The following FBXW10B variants were observed in gnomAD, a reference collection of about 807,000 sequenced individuals.
The protein encoded by FBXW10B is F-box and WD repeat domain containing 10B, also known as F-box and WD repeat domain containing protein 10B.
the FBXW10B span, among the ~76,000 whole-genome samples, chr17:15,611,377 C>G: frequency 6.6e-6 from 1 of 152,132 alleles, no homozygotes; most frequent in Non-Finnish European, 1.5e-5. Flanking sequence ...TAAATGGTTG[C>G]CAGCATTTAA....
chr17:15,610,748 C>T, the FBXW10B span, among the ~76,000 whole-genome samples: 4 of 152,170 alleles, frequency 2.6e-5, no homozygotes, highest in African/African-American at 9.7e-5. Context: ...TCTGTCAAAA[C>T]TTCCTAGAAT....
chr17:15,598,167 T>C, the FBXW10B span, among the ~76,000 whole-genome samples: 40 of 152,282 alleles, frequency 2.6e-4, no homozygotes, highest in South Asian at 7.9e-3. Flanking sequence ...ATGGCAGCCG[T>C]TGTTGTTCAT....
the FBXW10B span, chr17:15,619,119 T>C: frequency 2.2e-5 from 35 of 1,613,858 alleles, no homozygotes; most frequent in Non-Finnish European, 4.2e-6. Flanking sequence ...TTCGCCTTGG[T>C]CCACTGGGTG....
the FBXW10B span, chr17:15,574,013 A>C: frequency 1.6e-6 from 1 of 631,874 alleles, no homozygotes; most frequent in Non-Finnish European, 2.8e-6. Flanking sequence ...TGAAATGCTG[A>C]TTCCTGCCAG....
chr17:15,594,022 CAG>C, the FBXW10B span, among the ~76,000 whole-genome samples: 1 of 152,130 alleles, frequency 6.6e-6, no homozygotes, highest in African/African-American at 2.4e-5. Context: ...AATTAGGTCA[CAG>C]GGCCACAAGA....
chr17:15,567,322 TCTC>T, the FBXW10B span, among the ~76,000 whole-genome samples: 1 of 151,534 alleles, frequency 6.6e-6, no homozygotes, highest in Non-Finnish European at 1.5e-5. Flanking sequence ...TCTTCCCTAT[TCTC>T]CTTGCAAACT....
At chr17:15,575,290 T>C in the FBXW10B span, among the ~76,000 whole-genome samples, 79 of 142,864 alleles carry the variant, frequency 5.5e-4, no homozygotes, top group Non-Finnish European at 1.1e-3. Context: ...CTGTAAGACC[T>C]GGAGACCAAC....
chr17:15,615,844 G>A, the FBXW10B span: 3 of 1,613,744 alleles, frequency 1.9e-6, no homozygotes, highest in Non-Finnish European at 2.5e-6. Flanking sequence ...GGTTGCTCTT[G>A]AAGTGGGTGT....
At chr17:15,566,219 C>G in the FBXW10B span, 1 of 1,612,348 alleles carries the variant, frequency 6.2e-7, no homozygotes, top group Non-Finnish European at 8.5e-7. Context: ...GAATTACGGG[C>G]GTGCTGCAGG....
chr17:15,569,863 C>T, the FBXW10B span, among the ~76,000 whole-genome samples: 12 of 152,138 alleles, frequency 7.9e-5, no homozygotes, highest in African/African-American at 2.2e-4. Flanking sequence ...GCATGAGCCA[C>T]CATGTATGTC....
chr17:15,588,594 A>G, the FBXW10B span: 2 of 396,390 alleles, frequency 5.0e-6, no homozygotes, highest in Non-Finnish European at 9.6e-6. Context: ...ATGAATCCAG[A>G]ACACTCTAAT....
At chr17:15,599,299 A>G in the FBXW10B span, among the ~76,000 whole-genome samples, 1 of 137,088 alleles carries the variant, frequency 7.3e-6, no homozygotes, top group Non-Finnish European at 1.5e-5. Context: ...ATCTGGAGAT[A>G]TTTTTGGTGG....
chr17:15,578,982 T>G, the FBXW10B span, among the ~76,000 whole-genome samples: 2 of 152,002 alleles, frequency 1.3e-5, no homozygotes, highest in African/African-American at 2.4e-5. Flanking sequence ...AGTGTAGATC[T>G]GGTTTGTTTT....
the FBXW10B span, chr17:15,615,898 C>T: frequency 1.9e-6 from 3 of 1,559,294 alleles, no homozygotes; most frequent in African/African-American, 2.7e-5. Context: ...ATTTTTTCTT[C>T]CTTCTTTTAA....
chr17:15,577,756 A>G, the FBXW10B span, among the ~76,000 whole-genome samples: 3 of 152,204 alleles, frequency 2.0e-5, no homozygotes, highest in African/African-American at 7.2e-5. Context: ...AAGTCATACC[A>G]TAGCGTTCTC....
At chr17:15,602,093 G>A in the FBXW10B span, among the ~76,000 whole-genome samples, 1 of 148,074 alleles carries the variant, frequency 6.8e-6, no homozygotes, top group Non-Finnish European at 1.5e-5. Context: ...GCCTGGGCGA[G>A]AGAGCGAGAC....
chr17:15,593,714 C>CA, the FBXW10B span, among the ~76,000 whole-genome samples: 2 of 151,436 alleles, frequency 1.3e-5, no homozygotes, highest in Admixed American at 1.3e-4. Flanking sequence ...CTGCAACCTG[C>CA]ACCTACCAGA....
At chr17:15,601,408 C>CCA in the FBXW10B span, among the ~76,000 whole-genome samples, 1 of 66,622 alleles carries the variant, frequency 1.5e-5, no homozygotes. Context: ...GACTCCGTCT[C>CCA]AAAAAAAAAA....
the FBXW10B span, among the ~76,000 whole-genome samples, chr17:15,582,015 T>TA: frequency 0.065 from 9,813 of 151,936 alleles, 1,108 homozygotes; most frequent in African/African-American, 0.22. Context: ...AAAGGACTAA[T>TA]AAAAAAAACA....
Sources: gnomAD v4.1 joint callset for allele counts (sites outside exome capture counted in the v4.1 genomes callset) on GRCh38, gnomAD v4.1.1 for gene constraint, MANE v1.5 for transcripts, NCBI Gene and HGNC (gene_info 2026-07-23, HGNC 2026-07-21) for gene names.